Variants in CASK observed in about 807,000 individuals in gnomAD.
CASK encodes the protein calcium/calmodulin dependent serine protein kinase, also known as peripheral plasma membrane protein CASK.
A neutral mutation model predicts 82.9 loss-of-function variants in CASK; 4 were observed. The observed-to-expected ratio is 0.05, with a 90% CI of 0.02 to 0.11. The LOEUF (loss-of-function observed/expected upper bound fraction) is 0.11, where lower values mean the gene tolerates loss of function less well. Among genes scored for constraint, CASK ranks in the 10% least tolerant of loss-of-function variants. The pLI, the probability that CASK is intolerant of heterozygous loss-of-function variation, is 1.00. For missense variants in CASK, 358 were observed against 720.9 expected (o/e 0.50, Z 5.76); for synonymous variants, 259 against 253.5 (o/e 1.02, Z -0.20).
At position 41,611,691 on chromosome X, in the gene CASK, C is replaced by G. The variant is rs1197918246; in HGVS notation, c.1034-1666G>C. ...TCTCCCTCTCCCTCTCTCTCTCCCT[C>G]TCCCTCTCCCCACGGTCTCCCTCTC... On this transcript the variant is annotated intron_variant, in intron 11 of 26. Coordinates refer to ENST00000378163, the MANE Select transcript of CASK (RefSeq NM_001367721.1). 3.9e-5 allele frequency among the ~76,000 whole-genome samples: 3 copies of G among 77,014 alleles called. No individual in the cohort carries two copies. The East Asian group carries it at 1.3e-3, about 33-fold the overall frequency. The allele number at this position is 77,014 out of a possible 115,157, so 66.9% of individuals were successfully genotyped here.
At chrX:41,624,371 T>C (rs2066333401) in intron 10 of CASK, 1 of 311,118 alleles carries the variant, frequency 3.2e-6, no homozygotes, top group African/African-American at 2.7e-5. Context: ...AAGAGAAAAA[T>C]GGCAAGGCTT....
rs1199138423 is a variant in CASK, at chrX:41,611,598, GCTCTCC to G, written c.1034-1579_1034-1574del. 1.4e-3 allele frequency among the ~76,000 whole-genome samples: 143 copies of G among 101,492 alleles called. 1 individual carries two copies. The highest frequency in any genetic ancestry group is 3.1e-3 in the African/African-American group (85 of 27,142). The allele number at this position is 101,492 out of a possible 115,157, so 88.1% of individuals were successfully genotyped here. Reference sequence around the variant, plus strand: ...TCATGATATAGAATTCAAGAAAGCAGCTCTCCCTCTCCCTCTCCCTCTCCCTCTCTC... The same window carrying G: ...TCATGATATAGAATTCAAGAAAGCAGCTCTCCCTCTCCCTCTCCCTCTCTC... On this transcript the variant is annotated intron_variant, in intron 11 of 26. Coordinates refer to ENST00000378163, the MANE Select transcript of CASK (RefSeq NM_001367721.1).
chrX:41,763,970 A>C (rs1212130771), intron 3 of CASK, among the ~76,000 whole-genome samples: 1 of 111,955 alleles, frequency 8.9e-6, no homozygotes, highest in Non-Finnish European at 1.9e-5. Flanking sequence ...TTGTCCTCTA[A>C]TGTTCTTTCA....
At chrX:41,645,796 T>A (rs946646499) in intron 8 of CASK, among the ~76,000 whole-genome samples, 1 of 91,443 alleles carries the variant, frequency 1.1e-5, no homozygotes, top group African/African-American at 3.4e-5. Flanking sequence ...TATTTAATGA[T>A]TCTCCTCCTT....
chrX:41,709,602 T>TC (rs1039417094), intron 5 of CASK, among the ~76,000 whole-genome samples: 1 of 111,616 alleles, frequency 9.0e-6, no homozygotes, highest in African/African-American at 3.3e-5. Context: ...TGGACCCACA[T>TC]CCATCATCTA....
At chrX:41,787,938 T>G (rs2069646185) in intron 2 of CASK, among the ~76,000 whole-genome samples, 1 of 110,412 alleles carries the variant, frequency 9.1e-6, no homozygotes, top group South Asian at 3.8e-4. Flanking sequence ...GGTGGATCAC[T>G]TCAGGTCAGG....
At chrX:41,644,976 G>A (rs1272178390) in intron 8 of CASK, among the ~76,000 whole-genome samples, 1 of 111,276 alleles carries the variant, frequency 9.0e-6, no homozygotes, top group Non-Finnish European at 1.9e-5. Context: ...TTTTAAATTC[G>A]CCTCAGTCCT....
intron 1 of CASK, among the ~76,000 whole-genome samples, chrX:41,888,725 A>G (rs2072097578): frequency 9.7e-6 from 1 of 103,154 alleles, no homozygotes; most frequent in Non-Finnish European, 2.0e-5. Flanking sequence ...ATGTATGTGA[A>G]TATATGTATA....
At chrX:41,828,921 A>G (rs964947743) in intron 2 of CASK, among the ~76,000 whole-genome samples, 1 of 112,208 alleles carries the variant, frequency 8.9e-6, no homozygotes, top group Non-Finnish European at 1.9e-5. Flanking sequence ...GGATTATTAG[A>G]TTTAAAGATA....
chrX:41,881,079 T>C (rs2071943730), intron 1 of CASK, among the ~76,000 whole-genome samples: 1 of 111,811 alleles, frequency 8.9e-6, no homozygotes, highest in African/African-American at 3.2e-5. Flanking sequence ...GTGTAAACTT[T>C]GTACAAACTG....
chrX:41,586,909 T>C lies in CASK; in HGVS notation c.1312A>G (p.Met438Val). 1 of 1,145,870 alleles carries C rather than the reference T, an allele frequency of 8.7e-7. No individual in the cohort carries two copies. Among genetic ancestry groups the C allele is most frequent in the Non-Finnish European group, 1.2e-6 (1 of 836,252 alleles). The allele number at this position is 1,145,870 out of a possible 1,213,427, so 94.4% of individuals were successfully genotyped here. A position where few individuals can be genotyped will look rare whatever the true frequency, so the allele number is the denominator to read the frequency against. ...LKRILTQPHF[M>V]ALLQTHDVVA... ...ATGGAAGTTTAATTATTACTTACCA[T>C]GAAATGAGGTTGTGTTAAAATACGC... The change falls in exon 14 of 27, where the codon ATG becomes GTG. Residue 438 changes from methionine (M) to valine (V), a missense_variant and splice_region_variant. Transcript: ENST00000378163.
At chrX:41,667,625 A>G (rs1386547983) in intron 6 of CASK, among the ~76,000 whole-genome samples, 2 of 110,900 alleles carry the variant, frequency 1.8e-5, no homozygotes. Flanking sequence ...GAGTCTCACT[A>G]TTTTCCCCAG....
intron 12 of CASK, among the ~76,000 whole-genome samples, chrX:41,590,345 A>T (rs1409588414): frequency 1.8e-5 from 2 of 108,595 alleles, no homozygotes; most frequent in East Asian, 5.8e-4. Flanking sequence ...CGTCTCTACT[A>T]AAAATACAAA....
At chrX:41,612,556 G>A (rs1475817630) in intron 11 of CASK, among the ~76,000 whole-genome samples, 9 of 101,250 alleles carry the variant, frequency 8.9e-5, no homozygotes, top group African/African-American at 2.2e-4. Flanking sequence ...CCGGCCAGCC[G>A]CCCCGTCCGG....
At chrX:41,579,505 C>A (rs2065535267) in intron 14 of CASK, among the ~76,000 whole-genome samples, 1 of 111,819 alleles carries the variant, frequency 8.9e-6, no homozygotes. Flanking sequence ...AAAAGAATGT[C>A]CTTCTACTCA....
intron 1 of CASK, among the ~76,000 whole-genome samples, chrX:41,869,683 C>T (rs1376296919): frequency 2.8e-5 from 3 of 105,618 alleles, no homozygotes; most frequent in East Asian, 3.0e-4. Context: ...TGCAGTGGCG[C>T]GCGCCTGTAC....
intron 21 of CASK, among the ~76,000 whole-genome samples, chrX:41,546,928 A>ATTAT (rs970332406): frequency 9.2e-6 from 1 of 108,596 alleles, no homozygotes; most frequent in East Asian, 2.9e-4. Context: ...TTATTTTTTT[A>ATTAT]TTATTTATTT....
chrX:41,602,677 A>T (rs1187512345), intron 12 of CASK, among the ~76,000 whole-genome samples: 1 of 106,350 alleles, frequency 9.4e-6, no homozygotes, highest in African/African-American at 3.4e-5. Context: ...TGGTTCTATC[A>T]GTTTTCTATT....
At chrX:41,868,092 A>G (rs747527891) in intron 1 of CASK, among the ~76,000 whole-genome samples, 1 of 112,415 alleles carries the variant, frequency 8.9e-6, no homozygotes, top group Non-Finnish European at 1.9e-5. Context: ...GACAATTTTG[A>G]GCACAAATTT....
Sources: allele counts gnomAD v4.1 joint callset (sites outside exome capture counted in the v4.1 genomes callset), GRCh38; gene constraint gnomAD v4.1.1; transcripts MANE v1.5; gene names NCBI Gene and HGNC (gene_info 2026-07-23, HGNC 2026-07-21).